The following ANKLE2 variants were observed in gnomAD, a reference collection of about 807,000 sequenced individuals.
ANKLE2 encodes ankyrin repeat and LEM domain-containing protein 2.
Under a neutral mutation model 84.2 loss-of-function variants are expected in ANKLE2, and 55 were observed. The ratio of observed to expected loss-of-function variants is 0.65; its 90% CI spans 0.53 to 0.82. The LOEUF is 0.82. Ranked by LOEUF, ANKLE2 falls within the 40% of genes least tolerant of loss-of-function variation. The probability of loss-of-function intolerance (pLI) is 0.00; values close to 1 mark genes in which losing one functional copy is unlikely to be tolerated. For missense variants in ANKLE2, 1,238 were observed against 1,201.9 expected (o/e 1.03, Z -0.44); for synonymous variants, 551 against 486.1 (o/e 1.13, Z -1.76).
chr12:132,761,808 C>A lies in ANKLE2; in HGVS notation c.-10G>T. ...GCCGCGGCCACAGCATCGCCGCCGCCCGGGCCGCAGCCGCCGAGAAGCCCG... is the reference window on the plus strand; with the variant it reads ...GCCGCGGCCACAGCATCGCCGCCGCACGGGCCGCAGCCGCCGAGAAGCCCG... On this transcript the variant is annotated 5_prime_UTR_variant, in exon 1 of 13. Transcript: ENST00000357997. 1 of 1,052,506 alleles carries A rather than the reference C, an allele frequency of 9.5e-7. No individual in the cohort carries two copies. The highest frequency in any genetic ancestry group is 1.1e-6 in the Non-Finnish European group (1 of 876,324). 65.2% of individuals were successfully genotyped at this position (1,052,506 alleles called of 1,614,324 possible).
Position 132,730,192 on chromosome 12 carries a change from G to A in ANKLE2, c.1970C>T (p.Ala657Val). The A allele has an allele frequency of 6.2e-7, 1 of 1,600,812 alleles. No individual in the cohort carries two copies. Among genetic ancestry groups the A allele is most frequent in the Non-Finnish European group, 8.5e-7 (1 of 1,173,450 alleles). ...TGTGGGCGGGCTGTTATTTCGAGCT[G>A]CATTTTGCCGATTTTTTATTTCTTC... ...SLEEIKNRQNAARNNSPPTVG... is the reference protein window; with the variant it reads ...SLEEIKNRQNVARNNSPPTVG... The change falls in exon 11 of 13, where the codon GCA becomes GTA. Residue 657 changes from alanine to valine, a missense_variant. By Grantham distance (64) the Ala-to-Val change is moderately conservative. Around this residue, in one of 3 missense-constraint regions of ANKLE2, gnomAD observed 802 missense variants for 774.5 expected, o/e 1.04. Coordinates refer to ENST00000357997, the MANE Select transcript of ANKLE2 (RefSeq NM_015114.3).
intron 6 of ANKLE2, 149 bp from the exon 7 acceptor site, chr12:132,741,634 G>A: frequency 1.3e-6 from 1 of 765,944 alleles, no homozygotes. Flanking sequence ...CAGAAAACGT[G>A]TGAAGAGTGT....
At chr12:132,741,379 G>A (rs1428123955) in intron 7 of ANKLE2, 40 bp downstream of exon 7, 2 of 1,604,490 alleles carry the variant, frequency 1.2e-6, no homozygotes, top group African/African-American at 2.7e-5. Flanking sequence ...GCCCTTCCCG[G>A]CGTGGACCCC....
rs372997490 is a variant in ANKLE2, at chr12:132,728,071, T to A, written c.2576A>T (p.Lys859Met). Reference protein sequence around the residue: ...PHQFPAVHRWKSAVLCYSPSD... With the variant: ...PHQFPAVHRWMSAVLCYSPSD... ...GGGTGAGTAGCACAGGACAGCACTC[T>A]TCCATCTGTGCACGGCCGGGAACTG... The change falls in exon 12 of 13, where the codon AAG (lysine) becomes ATG (methionine). Residue 859 changes from lysine to methionine, a missense_variant. By Grantham distance (95) the Lys-to-Met change is moderately conservative (BLOSUM62 -1). Around this residue, in one of 3 missense-constraint regions of ANKLE2, gnomAD observed 802 missense variants for 774.5 expected, o/e 1.04. Coordinates refer to ENST00000357997, the MANE Select transcript of ANKLE2 (RefSeq NM_015114.3). 6.2e-7 allele frequency: 1 copy of A among 1,612,842 alleles called. No individual in the cohort carries two copies. Among genetic ancestry groups the A allele is most frequent in the Non-Finnish European group, 8.5e-7 (1 of 1,179,920 alleles).
intron 10 of ANKLE2, 66 bp from the exon 11 acceptor site, chr12:132,730,336 CAT>C: frequency 1.8e-6 from 1 of 565,472 alleles, no homozygotes; most frequent in South Asian, 3.7e-5. Context: ...TGCTCCGCCC[CAT>C]CCATGACCAA....
Position 132,743,908 on chromosome 12 carries a change from A to G in ANKLE2, c.1231-632T>C, listed in dbSNP as rs540839024. On this transcript the variant is annotated intron_variant, in intron 5 of 12. Coordinates refer to ENST00000357997, the MANE Select transcript of ANKLE2 (RefSeq NM_015114.3). The surrounding 1 kb of genome is among the most constrained non-coding windows in gnomAD (Gnocchi z 4.1). ...GTGAAATACACAGATGAGGACCACA[A>G]CCAGAATAAAGCAAAGCGCACGAAT... is the stretch of plus-strand genomic sequence containing the variant. Among the ~76,000 whole-genome samples, 63 of 152,312 alleles carry G rather than the reference A, an allele frequency of 4.1e-4. No individual in the cohort carries two copies. In the Middle Eastern group the frequency reaches 0.01, roughly 25 times the overall value.
intron 6 of ANKLE2, among the ~76,000 whole-genome samples, chr12:132,742,770 A>C: frequency 6.6e-6 from 1 of 151,142 alleles, no homozygotes; most frequent in Admixed American, 6.6e-5. Context: ...CCTCACCACC[A>C]TCATCCTCAC....
rs1304473639 is a variant in ANKLE2 at position 132,754,984 on chromosome 12, G to A, written c.331C>T (p.Leu111=). Residue 111 remains leucine, a synonymous_variant, in exon 2 of 13, where the codon CTG becomes TTG. Coordinates refer to ENST00000357997, the MANE Select transcript of ANKLE2 (RefSeq NM_015114.3). ...GAAGACAGCCTTCCTCCTTGCTCCA[G>A]TAAAGCCTGAGCCAATTTTTTCTCA... ...IFEKKLAQAL[L]EQGGRLSSFY... is the part of the protein sequence containing the mutation. The A allele has an allele frequency of 3.1e-6, 5 of 1,614,156 alleles. No individual in the cohort carries two copies. The South Asian group carries it at 4.4e-5, about 14-fold the overall frequency.
At position 132,750,695 on chromosome 12, in the gene ANKLE2, T is replaced by G. The variant is rs1323956207; in HGVS notation, c.795A>C (p.Leu265Phe). The G allele has an allele frequency of 6.2e-7, 1 of 1,614,102 alleles. No individual in the cohort carries two copies. The highest frequency in any genetic ancestry group is 8.5e-7 in the Non-Finnish European group (1 of 1,180,042). The change falls in exon 3 of 13, where the codon TTA becomes TTC. Residue 265 changes from leucine (L) to phenylalanine (F), a missense_variant. Leu to Phe is a conservative substitution (Grantham distance 22, BLOSUM62 0). Transcript: ENST00000357997. ...GAGCTGTTTTCACAGGAGACAGTGG[T>G]AAGGACGTTTTGCTTGGAGAAGGGA... is the stretch of plus-strand genomic sequence containing the variant. ...DYFPSPSKTSLPLSPVKTAPL... is the reference protein window; with the variant it reads ...DYFPSPSKTSFPLSPVKTAPL...
At position 132,748,238 on chromosome 12, in the gene ANKLE2, C is replaced by T. The variant is rs778886674; in HGVS notation, c.941G>A (p.Arg314Gln). Reference sequence around the variant, plus strand: ...CTCCTCTCCCTTCTCCACAGCTTTCCGAAGCTTGGCGGTGAGGTCCTGCGT... The same window carrying T: ...CTCCTCTCCCTTCTCCACAGCTTTCTGAAGCTTGGCGGTGAGGTCCTGCGT... ...PRTQDLTAKL[R>Q]KAVEKGEEDT... The change falls in exon 4 of 13, where the codon CGG becomes CAG. Residue 314 changes from arginine to glutamine, a missense_variant. This residue lies in a region of ANKLE2 where 422 missense variants were observed against 394.5 expected (regional missense o/e 1.07). Coordinates refer to ENST00000357997, the MANE Select transcript of ANKLE2 (RefSeq NM_015114.3). The T allele has an allele frequency of 1.1e-5, 18 of 1,614,134 alleles. No homozygotes were observed. The highest frequency in any genetic ancestry group is 1.4e-5 in the Non-Finnish European group (17 of 1,180,034).
intron 10 of ANKLE2, 179 bp downstream of exon 10, chr12:132,734,206 C>T: frequency 1.5e-6 from 1 of 688,708 alleles, no homozygotes; most frequent in Non-Finnish European, 2.4e-6. Flanking sequence ...GATTGCGCCA[C>T]TGCACTCCAG....
intron 2 of ANKLE2, among the ~76,000 whole-genome samples, chr12:132,752,140 A>G (rs1379662512): frequency 6.6e-6 from 1 of 151,446 alleles, no homozygotes; most frequent in Non-Finnish European, 1.5e-5. Context: ...TGAGAGTTTG[A>G]GACCAGCCTG....
intron 2 of ANKLE2, chr12:132,751,385 G>T: frequency 6.7e-6 from 1 of 150,292 alleles, no homozygotes; most frequent in Non-Finnish European, 1.5e-5. Context: ...CTGGGATTAT[G>T]GGCATCCGCC....
At position 132,746,348 on chromosome 12, in the gene ANKLE2, C is replaced by CAAA. The variant is rs566130639; in HGVS notation, c.1230+1481_1230+1483dup. On this transcript the variant is annotated intron_variant, in intron 5 of 12. Coordinates refer to ENST00000357997, the MANE Select transcript of ANKLE2 (RefSeq NM_015114.3). Reference sequence around the variant, plus strand: ...TGGGAGACAGAGCAAGACTCTGTCTCAAAAAAAAAAAAAAAAAAAGAATCA... The same window carrying CAAA: ...TGGGAGACAGAGCAAGACTCTGTCTCAAAAAAAAAAAAAAAAAAAAAAGAATCA... Among the ~76,000 whole-genome samples the CAAA allele has an allele frequency of 1.6e-3, 106 of 66,502 alleles. 2 individuals are homozygous for CAAA. The highest frequency in any genetic ancestry group is 9.8e-3 in the Middle Eastern group (1 of 102). The allele number at this position is 66,502 out of a possible 152,430, so 43.6% of individuals were successfully genotyped here.
Position 132,741,476 on chromosome 12 carries a change from C to T in ANKLE2, c.1363G>A (p.Glu455Lys). The T allele has an allele frequency of 1.9e-6, 3 of 1,614,110 alleles. No individual in the cohort carries two copies. Among genetic ancestry groups the T allele is most frequent in the Non-Finnish European group, 2.5e-6 (3 of 1,179,966 alleles). Reference sequence around the variant, plus strand: ...TCCACAGATTTATTTTTGCTTCTTTCACAAATTACCTATTGGAAAAAAAAG... The same window carrying T: ...TCCACAGATTTATTTTTGCTTCTTTTACAAATTACCTATTGGAAAAAAAAG... ...YDKTPEDVIC[E>K]RSKNKSVELK... Residue 455 changes from glutamate (E) to lysine (K), a missense_variant, in exon 7 of 13, where the codon GAA becomes AAA. This residue lies in a region of ANKLE2 where 802 missense variants were observed against 774.5 expected (regional missense o/e 1.04). Transcript: ENST00000357997.
At position 132,730,039 on chromosome 12, in the gene ANKLE2, C is replaced by CTGTG. The variant is rs1167222258; in HGVS notation, c.2119_2122dup (p.Ser708ThrfsTer29). ...TGGTCTCTTGCCCGCCAGGGTCCTG[C>CTGTG]TGTGATTCAGAGGATGGCAGAGCCC... is the stretch of plus-strand genomic sequence containing the variant. On this transcript the variant is annotated frameshift_variant, in exon 11 of 13. Transcript: ENST00000357997. LOFTEE classifies it high-confidence loss of function. 6.2e-7 allele frequency: 1 copy of CTGTG among 1,612,906 alleles called. No individual in the cohort carries two copies. The highest frequency in any genetic ancestry group is 1.1e-5 in the South Asian group (1 of 90,976).
chr12:132,742,106 T>C, intron 6 of ANKLE2: 1 of 266,788 alleles, frequency 3.7e-6, no homozygotes. Flanking sequence ...ATTGTGAGCT[T>C]TAAAAAGTCA....
Position 132,747,945 on chromosome 12 carries a change from C to T in ANKLE2, c.1117G>A (p.Val373Ile), listed in dbSNP as rs781042749. 16 of 1,600,246 alleles carry T rather than the reference C, an allele frequency of 1.0e-5. No individual in the cohort carries two copies. In the Admixed American group the frequency reaches 1.7e-4, roughly 17 times the overall value. The change falls in exon 5 of 13, where the codon GTC (valine) becomes ATC (isoleucine). Residue 373 changes from valine to isoleucine, a missense_variant. Physicochemically the swap from Val to Ile is conservative, Grantham distance 29. Around this residue, in one of 3 missense-constraint regions of ANKLE2, gnomAD observed 802 missense variants for 774.5 expected, o/e 1.04. Coordinates refer to ENST00000357997, the MANE Select transcript of ANKLE2 (RefSeq NM_015114.3). ...CTCATGAAGTCAGGGTTCTCCAGGA[C>T]GTCCAGAGTCAGCTGGCAGATGGAA... ...QASICQLTLD[V>I]LENPDFMRLM...
chr12:132,746,348 C>CAAAAAAAA (rs566130639), intron 5 of ANKLE2, among the ~76,000 whole-genome samples: 192 of 66,460 alleles, frequency 2.9e-3, no homozygotes, highest in Non-Finnish European at 3.8e-3. Context: ...GACTCTGTCT[C>CAAAAAAAA]AAAAAAAAAA....
Sources: gnomAD v4.1 joint callset for allele counts (sites outside exome capture counted in the v4.1 genomes callset) on GRCh38, gnomAD v4.1.1 for gene constraint, gnomAD v4.1.1 regional missense constraint, Gnocchi (gnomAD v3.1) non-coding constraint, MANE v1.5 for transcripts, NCBI Gene and HGNC (gene_info 2026-07-23, HGNC 2026-07-21) for gene names.